Variants in CAPN7 observed in about 807,000 individuals in gnomAD.
The protein encoded by CAPN7 is calpain 7.
Under a neutral mutation model 115.2 loss-of-function variants are expected in CAPN7, and 72 were observed. The ratio of observed to expected loss-of-function variants is 0.63; its 90% confidence interval spans 0.52 to 0.76. The LOEUF (loss-of-function observed/expected upper bound fraction) is 0.76. CAPN7 is among the 30% of genes least tolerant of loss of function. The pLI is 0.00. For synonymous variants in CAPN7, 344 were observed against 322.3 expected (o/e 1.07, Z -0.72); for missense variants, 905 against 971.5 (o/e 0.93, Z 0.91).
rs193130324 is a variant in CAPN7, at chr3:15,234,100, G to T, written c.1286+127G>T. 505 of 537,858 alleles carry T rather than the reference G, an allele frequency of 9.4e-4. 5 individuals carry two copies. Among genetic ancestry groups the T allele is most frequent in the African/African-American group, 9.1e-3 (456 of 50,338 alleles). The allele number at this position is 537,858 out of a possible 1,614,324, so 33.3% of individuals were successfully genotyped here. A position where few individuals can be genotyped will look rare whatever the true frequency, so the allele number is the denominator to read the frequency against. ...GGAGGCCAAGGCAGGCAGATGACCT[G>T]AGTTTGGGAGTTGGAGGACCAGCCT... On this transcript the variant is annotated intron_variant, in intron 11 of 20. Coordinates refer to ENST00000253693, the MANE Select transcript of CAPN7 (RefSeq NM_014296.3).
At chr3:15,232,240 C>T (rs1197216780) in intron 9 of CAPN7, 2 of 346,266 alleles carry the variant, frequency 5.8e-6, no homozygotes, top group Non-Finnish European at 1.1e-5. Flanking sequence ...TTTTTTATTT[C>T]AGATGCTCAG....
chr3:15,251,545 T>C lies in CAPN7; in HGVS notation c.*285T>C. 4.4e-6 allele frequency: 1 copy of C among 227,656 alleles called. No individual in the cohort carries two copies. Among genetic ancestry groups the C allele is most frequent in the Non-Finnish European group, 8.5e-6 (1 of 117,704 alleles). 14.1% of individuals were successfully genotyped at this position (227,656 alleles called of 1,614,324 possible). A position where few individuals can be genotyped will look rare whatever the true frequency, so the allele number is the denominator to read the frequency against. ...AAAGTGCATATGATTAAAATTAGAC[T>C]CAGTCATCACTGTGAGATGCCTTTG... On this transcript the variant is annotated 3_prime_UTR_variant, in exon 21 of 21. Coordinates refer to ENST00000253693, the MANE Select transcript of CAPN7 (RefSeq NM_014296.3).
chr3:15,227,750 C>CAA, intron 6 of CAPN7, 89 bp from the exon 7 acceptor site: 2 of 767,312 alleles, frequency 2.6e-6, no homozygotes, highest in Non-Finnish European at 3.7e-6. Context: ...ATCACTAGAC[C>CAA]AAAAAAAAAA....
At chr3:15,232,317 T>G (rs1195704085) in intron 9 of CAPN7, among the ~76,000 whole-genome samples, 2 of 152,230 alleles carry the variant, frequency 1.3e-5, no homozygotes, top group Admixed American at 1.3e-4. Context: ...TCTGACAGAT[T>G]AGCTTGTAAA....
chr3:15,247,238 T>G, intron 18 of CAPN7, 89 bp from the exon 19 acceptor site: 1 of 921,630 alleles, frequency 1.1e-6, no homozygotes, highest in Non-Finnish European at 1.5e-6. Flanking sequence ...AAATTGCCTT[T>G]TTTTTTTTTT....
chr3:15,227,843 A>G lies in CAPN7; in HGVS notation c.730A>G (p.Arg244Gly). Residue 244 changes from arginine to glycine, a missense_variant, in exon 7 of 21, where the codon AGA becomes GGA. By Grantham distance (125) the Arg-to-Gly change is moderately radical. This residue lies in a region of CAPN7 where 620 missense variants were observed against 703.4 expected (regional missense o/e 0.88). Transcript: ENST00000253693. ...TAATTTTTATTATTACCTCAGTGAT[A>G]GATGGGGCAAGCTACCATTATCACC... ...RFAYPMPFCD[R>G]WGKLPLSPKQ... is the part of the protein sequence containing the mutation. 1 of 1,503,110 alleles carries G rather than the reference A, an allele frequency of 6.7e-7. No homozygotes were observed. The highest frequency in any genetic ancestry group is 1.4e-5 in the South Asian group (1 of 72,944). The allele number at this position is 1,503,110 out of a possible 1,614,324, so 93.1% of individuals were successfully genotyped here.
rs142222381 is a variant in CAPN7 at position 15,221,776 on chromosome 3, C to T, written c.638+795C>T. 9.9e-5 allele frequency among the ~76,000 whole-genome samples: 15 copies of T among 151,984 alleles called. No homozygotes were observed. The East Asian group carries it at 2.9e-3, about 30-fold the overall frequency. ...CTTGAGCTCAGGAGTTTGAGACCAG[C>T]CTGGGCAACATGCCAAAACCCCATC... On this transcript the variant is annotated intron_variant, in intron 5 of 20. Coordinates refer to ENST00000253693, the MANE Select transcript of CAPN7 (RefSeq NM_014296.3).
intron 6 of CAPN7, among the ~76,000 whole-genome samples, chr3:15,225,306 A>G (rs1694246749): frequency 6.6e-6 from 1 of 152,230 alleles, no homozygotes; most frequent in Non-Finnish European, 1.5e-5. Context: ...ATTTAGAGAT[A>G]TACTCAAAAA....
At chr3:15,228,900 G>A (rs1414846926) in intron 7 of CAPN7, 74 bp from the exon 8 acceptor site, 2 of 1,087,070 alleles carry the variant, frequency 1.8e-6, no homozygotes, top group Non-Finnish European at 2.8e-6. Flanking sequence ...GGTACTTGGG[G>A]CAATGTACGT....
At chr3:15,250,451 C>T (rs1333567601) in intron 19 of CAPN7, among the ~76,000 whole-genome samples, 1 of 152,044 alleles carries the variant, frequency 6.6e-6, no homozygotes, top group Non-Finnish European at 1.5e-5. Flanking sequence ...GGCAGATCAC[C>T]TGAGGTCAAG....
At chr3:15,248,831 T>G (rs1479834463) in intron 19 of CAPN7, among the ~76,000 whole-genome samples, 1 of 151,518 alleles carries the variant, frequency 6.6e-6, no homozygotes, top group Non-Finnish European at 1.5e-5. Flanking sequence ...TCTGCAAAAA[T>G]TTTTTTAAAA....
rs1413023156 is a variant in CAPN7, at chr3:15,206,306, A to C, written c.-190A>C. 1 of 524,320 alleles carries C rather than the reference A, an allele frequency of 1.9e-6. No individual in the cohort carries two copies. The highest frequency in any genetic ancestry group is 3.3e-6 in the Non-Finnish European group (1 of 298,710). 32.5% of individuals were successfully genotyped at this position (524,320 alleles called of 1,614,324 possible). On this transcript the variant is annotated 5_prime_UTR_variant, in exon 1 of 21. Transcript: ENST00000253693. ...TGGGCTACAAGCCGGGTCTGGGCTGAGGGGCGCGGCTTCGCGGTGGACCCC... is the reference window on the plus strand; with the variant it reads ...TGGGCTACAAGCCGGGTCTGGGCTGCGGGGCGCGGCTTCGCGGTGGACCCC...
intron 10 of CAPN7, among the ~76,000 whole-genome samples, 160 bp from the exon 11 acceptor site, chr3:15,233,707 T>A (rs149917112): frequency 6.6e-6 from 1 of 152,312 alleles, no homozygotes; most frequent in Non-Finnish European, 1.5e-5. Context: ...CAGTTAGGAA[T>A]TTGAGTTAAA....
intron 1 of CAPN7, among the ~76,000 whole-genome samples, chr3:15,210,591 C>T (rs1217881001): frequency 5.7e-5 from 6 of 105,276 alleles, no homozygotes; most frequent in African/African-American, 4.2e-4. Context: ...TTCCTTGCTT[C>T]CTTCCTTTTT....
At chr3:15,218,363 C>A in intron 3 of CAPN7, 110 bp from the exon 4 acceptor site, 2 of 700,564 alleles carry the variant, frequency 2.9e-6, no homozygotes, top group Admixed American at 5.0e-5. Context: ...TGTTTGTTCT[C>A]AATTTCAGCA....
Position 15,227,879 on chromosome 3 carries a change from A to C in CAPN7, c.766A>C (p.Thr256Pro). 6.4e-7 allele frequency: 1 copy of C among 1,552,158 alleles called. No individual in the cohort carries two copies. Among genetic ancestry groups the C allele is most frequent in the Non-Finnish European group, 8.7e-7 (1 of 1,147,224 alleles). ...GKLPLSPKQKTTFSKWVRPED... is the reference protein window; with the variant it reads ...GKLPLSPKQKPTFSKWVRPED... ...GCTACCATTATCACCTAAACAAAAA[A>C]CTACATTTTCCAAGTGGGTACGACC... Residue 256 changes from threonine (T) to proline (P), a missense_variant, in exon 7 of 21, where the codon ACT becomes CCT. Physicochemically the swap from Thr to Pro is conservative, Grantham distance 38. Transcript: ENST00000253693.
intron 1 of CAPN7, 107 bp downstream of exon 1, chr3:15,206,704 G>A: frequency 2.5e-6 from 2 of 804,380 alleles, no homozygotes; most frequent in Admixed American, 2.9e-5. Flanking sequence ...CCCCGGCTTT[G>A]CTTTTCCCTC....
At chr3:15,210,596 CTT>C (rs371169868) in intron 1 of CAPN7, among the ~76,000 whole-genome samples, 10 of 104,400 alleles carry the variant, frequency 9.6e-5, no homozygotes, top group East Asian at 4.8e-4. Context: ...TGCTTCCTTC[CTT>C]TTTTTTTTTT....
intron 1 of CAPN7, among the ~76,000 whole-genome samples, chr3:15,207,641 C>CTT (rs1189037417): frequency 2.9e-4 from 42 of 142,512 alleles, no homozygotes; most frequent in African/African-American, 9.6e-4. Flanking sequence ...TTTTTTGTTT[C>CTT]TTTTTTTTTT....
Sources: gnomAD v4.1 joint callset for allele counts (sites outside exome capture counted in the v4.1 genomes callset) on GRCh38, gnomAD v4.1.1 for gene constraint, gnomAD v4.1.1 regional missense constraint, MANE v1.5 for transcripts, NCBI Gene and HGNC (gene_info 2026-07-23, HGNC 2026-07-21) for gene names.